Variants in CACNA1C observed in about 807,000 individuals in gnomAD.
The protein encoded by CACNA1C is calcium voltage-gated channel subunit alpha1 C.
A neutral mutation model predicts 229.0 loss-of-function variants in CACNA1C; 30 were observed. That is an observed-to-expected ratio of 0.13 (90% CI 0.10 to 0.18). The LOEUF (loss-of-function observed/expected upper bound fraction) is 0.18. Ranked by LOEUF, CACNA1C falls within the 10% of genes least tolerant of loss-of-function variation. The probability of loss-of-function intolerance (pLI) is 1.00; values close to 1 mark genes in which losing one functional copy is unlikely to be tolerated. For missense variants in CACNA1C, 1,658 were observed against 2,845.0 expected, an observed-to-expected ratio of 0.58 and a Z score of 9.49; for synonymous variants, 1,114 against 1,132.5, an observed-to-expected ratio of 0.98 and a Z score of 0.33.
At chr12:2,203,293 G>A (rs2154323498) in intron 3 of CACNA1C, among the ~76,000 whole-genome samples, 1 of 152,270 alleles carries the variant, frequency 6.6e-6, no homozygotes, top group South Asian at 2.1e-4. Context: ...TATGGACATT[G>A]GACTTTTCCT....
intron 9 of CACNA1C, among the ~76,000 whole-genome samples, chr12:2,517,297 T>G (rs920997129): frequency 6.6e-6 from 1 of 151,920 alleles, no homozygotes; most frequent in African/African-American, 2.4e-5. Flanking sequence ...ATCTGAAGAG[T>G]CTGGCCATCA....
At position 2,678,726 on chromosome 12, in the gene CACNA1C, G is replaced by A. The variant is rs958302573; in HGVS notation, c.5092-718G>A. On this transcript the variant is annotated intron_variant, in intron 41 of 46. Transcript: ENST00000399655. The surrounding 1 kb of genome is among the most constrained non-coding windows in gnomAD (Gnocchi z 4.1). ...CGTCACTGAGTGGCCTCAGGGACATGGCATGGTGGTGACACAACCCGACAA... is the reference window on the plus strand; with the variant it reads ...CGTCACTGAGTGGCCTCAGGGACATAGCATGGTGGTGACACAACCCGACAA... 2.0e-5 allele frequency among the ~76,000 whole-genome samples: 3 copies of A among 152,162 alleles called. No homozygotes were observed. The highest frequency in any genetic ancestry group is 1.3e-4 in the Admixed American group (2 of 15,282).
chr12:2,494,589 G>C (rs2099742943), intron 7 of CACNA1C, among the ~76,000 whole-genome samples: 1 of 152,176 alleles, frequency 6.6e-6, no homozygotes, highest in South Asian at 2.1e-4. Flanking sequence ...AGAGTGAGAG[G>C]GGAGCAAATG....
chr12:2,247,783 C>T (rs906621769), intron 3 of CACNA1C, among the ~76,000 whole-genome samples: 1 of 152,184 alleles, frequency 6.6e-6, no homozygotes, highest in Non-Finnish European at 1.5e-5. Flanking sequence ...CATTCTCTGT[C>T]ACCTCCACTT....
chr12:2,482,568 C>T (rs901141391), intron 5 of CACNA1C, among the ~76,000 whole-genome samples: 33 of 152,294 alleles, frequency 2.2e-4, no homozygotes, highest in African/African-American at 6.7e-4. Context: ...GGGCTGCTGT[C>T]GCCCATGGCA....
chr12:1,998,844 A>T (rs1182594732), intron 1 of CACNA1C, among the ~76,000 whole-genome samples: 2 of 152,250 alleles, frequency 1.3e-5, no homozygotes, highest in Non-Finnish European at 2.9e-5. Flanking sequence ...GTTTAATTTC[A>T]GCATTCTATT....
chr12:2,494,249 T>C (rs1445676857), intron 7 of CACNA1C, among the ~76,000 whole-genome samples: 1 of 152,236 alleles, frequency 6.6e-6, no homozygotes, highest in Non-Finnish European at 1.5e-5. Flanking sequence ...ACTACTTTGC[T>C]GCGCTTTGAG....
chr12:2,097,336 C>A (rs531885535), intron 1 of CACNA1C, among the ~76,000 whole-genome samples: 1 of 151,796 alleles, frequency 6.6e-6, no homozygotes, highest in East Asian at 1.9e-4. Flanking sequence ...TTAGTAGAGA[C>A]GGGGTTTCAC....
intron 30 of CACNA1C, among the ~76,000 whole-genome samples, chr12:2,640,065 G>A (rs540221767): frequency 1.3e-5 from 2 of 152,256 alleles, no homozygotes; most frequent in South Asian, 2.1e-4. Context: ...GAAGAGGACC[G>A]ACATGAGGAT....
chr12:2,561,895 T>A (rs1421562687), intron 11 of CACNA1C, among the ~76,000 whole-genome samples: 3 of 152,226 alleles, frequency 2.0e-5, no homozygotes, highest in Non-Finnish European at 2.9e-5. Context: ...ATCATTTAAT[T>A]TCTGTATCCT....
chr12:2,682,469 C>T (rs944226199), intron 42 of CACNA1C, 81 bp from the exon 43 acceptor site: 72 of 1,513,702 alleles, frequency 4.8e-5, no homozygotes, highest in Middle Eastern at 3.4e-4. Flanking sequence ...CATGTGTGTG[C>T]GTGTGTGATG....
chr12:2,283,844 C>T (rs2092074244), intron 3 of CACNA1C, among the ~76,000 whole-genome samples: 1 of 152,210 alleles, frequency 6.6e-6, no homozygotes, highest in South Asian at 2.1e-4. Context: ...GCAGCAGCTA[C>T]TTGTGCTTCA....
chr12:2,373,219 T>C (rs934288959), intron 3 of CACNA1C, among the ~76,000 whole-genome samples: 2 of 152,210 alleles, frequency 1.3e-5, no homozygotes, highest in Non-Finnish European at 2.9e-5. Context: ...TTTCTACTTA[T>C]ATTACTTACT....
chr12:2,116,515 G>A lies in CACNA1C; in HGVS notation c.371+970G>A, dbSNP rs535337402. On this transcript the variant is annotated intron_variant, in intron 2 of 46. Transcript: ENST00000399655. ...TGTATAGCCGGGACCACAGGTGCCC[G>A]CCACCACGCTCGGCTATTCTTTTTT... Among the ~76,000 whole-genome samples, 356 of 152,124 alleles carry A rather than the reference G, an allele frequency of 2.3e-3. 1 individual carries two copies. The highest frequency in any genetic ancestry group is 4.1e-3 in the Non-Finnish European group (280 of 68,002).
intron 15 of CACNA1C, among the ~76,000 whole-genome samples, chr12:2,583,319 G>A (rs950050326): frequency 6.6e-6 from 1 of 152,258 alleles, no homozygotes; most frequent in Middle Eastern, 3.2e-3. Context: ...CCGGGAGGGA[G>A]GATGAGCCGT....
chr12:2,687,602 C>T (rs189702755), intron 45 of CACNA1C, among the ~76,000 whole-genome samples: 27 of 151,640 alleles, frequency 1.8e-4, no homozygotes, highest in Non-Finnish European at 3.7e-4. Context: ...TGCAATGGCA[C>T]GATCTCGGCT....
At chr12:2,364,964 A>C (rs2097685514) in intron 3 of CACNA1C, among the ~76,000 whole-genome samples, 1 of 152,194 alleles carries the variant, frequency 6.6e-6, no homozygotes, top group South Asian at 2.1e-4. Flanking sequence ...CAAGAAGGAG[A>C]ATGAGGAAGC....
intron 44 of CACNA1C, 104 bp downstream of exon 44, chr12:2,685,946 C>T: frequency 3.3e-6 from 3 of 908,260 alleles, no homozygotes; most frequent in Non-Finnish European, 5.3e-6. Flanking sequence ...AAATCAGCCC[C>T]ACACAGTGGG....
chr12:2,588,350 C>T (rs976293575), intron 18 of CACNA1C, among the ~76,000 whole-genome samples: 3 of 152,250 alleles, frequency 2.0e-5, no homozygotes, highest in Non-Finnish European at 4.4e-5. Context: ...GCTCTGCCTT[C>T]AGCCAGACCA....
Sources: allele counts gnomAD v4.1 joint callset (sites outside exome capture counted in the v4.1 genomes callset), GRCh38; gene constraint gnomAD v4.1.1; non-coding constraint Gnocchi (gnomAD v3.1); transcripts MANE v1.5; gene names NCBI Gene and HGNC (gene_info 2026-07-23, HGNC 2026-07-21).